The following ITFG2 variants were observed in gnomAD, a reference collection of about 807,000 sequenced individuals.
The protein encoded by ITFG2 is KICSTOR complex protein ITFG2.
A neutral mutation model predicts 54.4 loss-of-function variants in ITFG2; 36 were observed. The ratio of observed to expected loss-of-function variants is 0.66; its 90% confidence interval spans 0.51 to 0.87. ITFG2 has a LOEUF of 0.87. Among genes scored for constraint, ITFG2 ranks in the 40% least tolerant of loss-of-function variants. ITFG2 has a pLI of 0.00. For missense variants in ITFG2, 524 were observed against 576.7 expected, an observed-to-expected ratio of 0.91 and a Z score of 0.94; for synonymous variants, 211 against 225.4, an observed-to-expected ratio of 0.94 and a Z score of 0.57.
intron 2 of ITFG2, among the ~76,000 whole-genome samples, chr12:2,846,580 G>A (rs772729935): frequency 1.8e-4 from 27 of 152,162 alleles, no homozygotes; most frequent in South Asian, 4.1e-4. Context: ...GTTGTTAGGC[G>A]TGTTTTCTAA....
intron 2 of ITFG2, among the ~76,000 whole-genome samples, chr12:2,848,877 G>GCACACACACACA (rs3056877): frequency 1.3e-3 from 186 of 140,370 alleles, no homozygotes; most frequent in African/African-American, 2.0e-3. Flanking sequence ...ACACACACAC[G>GCACACACACACA]CACACACACA....
chr12:2,832,173 G>C (rs1440541420), upstream of ITFG2, among the ~76,000 whole-genome samples: 1 of 152,122 alleles, frequency 6.6e-6, no homozygotes. Flanking sequence ...TGATTCATGT[G>C]CAGGTTAAAG....
downstream of ITFG2, chr12:2,827,050 C>A: frequency 6.8e-7 from 1 of 1,466,972 alleles, no homozygotes; most frequent in Admixed American, 2.7e-5. The surrounding 1 kb of genome is among the most constrained non-coding windows in gnomAD (Gnocchi z 4.0). Context: ...GAGAGGAATG[C>A]GGCCAGCTGG....
downstream of ITFG2, chr12:2,828,554 T>C: frequency 1.4e-6 from 1 of 713,892 alleles, no homozygotes; most frequent in East Asian, 2.7e-5. Flanking sequence ...CTGGCTTTTA[T>C]CGGGGCCAGG....
intron 2 of ITFG2, chr12:2,849,545 G>T: frequency 6.5e-7 from 1 of 1,535,754 alleles, no homozygotes; most frequent in South Asian, 1.2e-5. Context: ...GAAGGGTATG[G>T]AGAGAACAGA....
Position 2,820,739 on chromosome 12 carries a change from G to C in ITFG2, c.562G>C (p.Val188Leu). The C allele has an allele frequency of 1.2e-6, 2 of 1,609,694 alleles. No individual in the cohort carries two copies. Among genetic ancestry groups the C allele is most frequent in the Non-Finnish European group, 1.7e-6 (2 of 1,177,648 alleles). ...MLEGQVDSLS[V>L]TLGPLGLPEL... ...CCTGGTGCAGGTGGACAGCCTCTCAGTGACTCTGGGGCCACTGGGTCTTCC... is the reference window on the plus strand; with the variant it reads ...CCTGGTGCAGGTGGACAGCCTCTCACTGACTCTGGGGCCACTGGGTCTTCC... Residue 188 changes from valine to leucine, a missense_variant, in exon 6 of 12, where the codon GTG becomes CTG. Coordinates refer to ENST00000228799, the MANE Select transcript of ITFG2 (RefSeq NM_018463.4).
intron 1 of ITFG2, 188 bp downstream of exon 1, chr12:2,813,044 T>C: frequency 7.9e-6 from 4 of 504,976 alleles, no homozygotes; most frequent in Non-Finnish European, 1.4e-5. Flanking sequence ...TTGGGAGGTT[T>C]TGTTTGTTTT....
intron 1 of ITFG2, among the ~76,000 whole-genome samples, chr12:2,813,287 C>T (rs1052166660): frequency 4.6e-5 from 7 of 152,194 alleles, no homozygotes; most frequent in African/African-American, 1.7e-4. Context: ...GTGCCCAGCC[C>T]TTCTCGTTTT....
intron 1 of ITFG2, among the ~76,000 whole-genome samples, chr12:2,816,775 G>A (rs1231223679): frequency 6.6e-6 from 1 of 151,664 alleles, no homozygotes; most frequent in East Asian, 1.9e-4. Context: ...CCGAGTAGTT[G>A]GGACCACAGG....
At chr12:2,841,610 C>G (rs2098041195) in intron 2 of ITFG2, among the ~76,000 whole-genome samples, 1 of 152,176 alleles carries the variant, frequency 6.6e-6, no homozygotes, top group Non-Finnish European at 1.5e-5. Flanking sequence ...CCAATCTGAA[C>G]TGAGATATGC....
rs947536842 is a variant in ITFG2, at chr12:2,812,709, G to A, written c.-52G>A. ...CGCTCTGGCGGCTGTCGCGACGGGG[G>A]TTCAGGGAATATTTACTGGGCCTCT... On this transcript the variant is annotated 5_prime_UTR_variant, in exon 1 of 12. Transcript: ENST00000228799. 6 of 1,520,746 alleles carry A rather than the reference G, an allele frequency of 3.9e-6. No individual in the cohort carries two copies. Among genetic ancestry groups the A allele is most frequent in the Non-Finnish European group, 5.5e-6 (6 of 1,098,490 alleles). 94.2% of individuals were successfully genotyped at this position (1,520,746 alleles called of 1,614,324 possible). A position where few individuals can be genotyped will look rare whatever the true frequency, so the allele number is the denominator to read the frequency against.
At chr12:2,859,180 G>A (rs144159370) in intron 3 of ITFG2, 2 of 1,609,806 alleles carry the variant, frequency 1.2e-6, no homozygotes, top group South Asian at 2.2e-5. Context: ...TGGGAGGCAG[G>A]GTCAGAGGAG....
At chr12:2,827,725 C>T (rs753010230), downstream of ITFG2, 16 of 1,612,910 alleles carry the variant, frequency 9.9e-6, no homozygotes, top group Admixed American at 1.5e-4. This position sits in a 1 kb window ranked among gnomAD's most constrained non-coding sequence, Gnocchi z 4.0. Flanking sequence ...TCCCAGTGGT[C>T]ACTGCTGCCC....
At position 2,814,559 on chromosome 12, in the gene ITFG2, A is replaced by T. The variant is rs889847571; in HGVS notation, c.96+1703A>T. On this transcript the variant is annotated intron_variant, in intron 1 of 11. Coordinates refer to ENST00000228799, the MANE Select transcript of ITFG2 (RefSeq NM_018463.4). ...ACAATGTAGGCACTGGCCGGGTGTG[A>T]TGGCTCACGCCTGTAATCTCAGCAC... 4.6e-5 allele frequency among the ~76,000 whole-genome samples: 7 copies of T among 152,162 alleles called. No individual in the cohort carries two copies. In the East Asian group the frequency reaches 1.3e-3, roughly 29 times the overall value.
At chr12:2,818,445 T>A in intron 4 of ITFG2, 168 bp downstream of exon 4, 1 of 1,398,204 alleles carries the variant, frequency 7.2e-7, no homozygotes, top group South Asian at 1.3e-5. Context: ...GGAATTGCCA[T>A]AGTGAATAAA....
At chr12:2,830,987 G>A (rs1311173746), downstream of ITFG2, 3 of 918,680 alleles carry the variant, frequency 3.3e-6, no homozygotes, top group East Asian at 2.7e-5. Context: ...TACCCTAGGA[G>A]TTTACCCTAG....
intron 3 of ITFG2, chr12:2,858,760 G>A (rs975742881): frequency 1.2e-6 from 2 of 1,614,220 alleles, no homozygotes; most frequent in African/African-American, 1.3e-5. Context: ...ATTGTGTCCA[G>A]GACCAGGCCT....
At chr12:2,851,535 G>A (rs990078687) in intron 2 of ITFG2, among the ~76,000 whole-genome samples, 54 of 152,070 alleles carry the variant, frequency 3.6e-4, no homozygotes, top group African/African-American at 1.1e-3. Flanking sequence ...TGGAGACAGG[G>A]TTTCGCCATG....
downstream of ITFG2, chr12:2,828,236 A>C: frequency 3.2e-6 from 4 of 1,233,810 alleles, no homozygotes; most frequent in Non-Finnish European, 4.7e-6. Flanking sequence ...ATTGAGATAA[A>C]ATATGCAACT....
Sources: allele counts gnomAD v4.1 joint callset (sites outside exome capture counted in the v4.1 genomes callset), GRCh38; gene constraint gnomAD v4.1.1; non-coding constraint Gnocchi (gnomAD v3.1); transcripts MANE v1.5; gene names NCBI Gene and HGNC (gene_info 2026-07-23, HGNC 2026-07-21).